Variants in MAGI2 observed in about 807,000 individuals in gnomAD.
MAGI2 encodes membrane-associated guanylate kinase, WW and PDZ domain-containing protein 2.
A neutral mutation model predicts 133.3 loss-of-function variants in MAGI2; 35 were observed. The observed-to-expected ratio is 0.26, with a 90% CI of 0.20 to 0.35. MAGI2 has a LOEUF of 0.35. MAGI2 is among the 10% of genes least tolerant of loss of function. The pLI is 1.00. For missense variants in MAGI2, 1,636 were observed against 1,863.4 expected (o/e 0.88, Z 2.25); for synonymous variants, 729 against 710.6 (o/e 1.03, Z -0.41).
intron 1 of MAGI2, among the ~76,000 whole-genome samples, chr7:79,101,964 C>T (rs11489636): frequency 0.043 from 6,479 of 151,854 alleles, 435 homozygotes; most frequent in African/African-American, 0.15. Context: ...TTTCTTATCA[C>T]AGTAGACTAT....
At chr7:78,101,870 G>C (rs574261838) in intron 20 of MAGI2, among the ~76,000 whole-genome samples, 1 of 152,268 alleles carries the variant, frequency 6.6e-6, no homozygotes, top group South Asian at 2.1e-4. Context: ...ATATATATCG[G>C]AAGGAAATGA....
chr7:78,828,263 A>C (rs982173659), intron 2 of MAGI2, among the ~76,000 whole-genome samples: 1 of 152,202 alleles, frequency 6.6e-6, no homozygotes, highest in African/African-American at 2.4e-5. Flanking sequence ...AATGAGAGTA[A>C]CTTAACAGTG....
chr7:78,189,869 C>G (rs941272410), intron 12 of MAGI2, among the ~76,000 whole-genome samples: 1 of 152,178 alleles, frequency 6.6e-6, no homozygotes, highest in Non-Finnish European at 1.5e-5. Flanking sequence ...GCCCTCTATC[C>G]TGTATCAACA....
chr7:79,154,525 C>T (rs1425826633), intron 1 of MAGI2, among the ~76,000 whole-genome samples: 1 of 152,104 alleles, frequency 6.6e-6, no homozygotes, highest in South Asian at 2.1e-4. Context: ...CATATTATCA[C>T]CAGTGTTGGT....
intron 2 of MAGI2, among the ~76,000 whole-genome samples, chr7:78,717,213 C>T (rs928000975): frequency 2.6e-5 from 4 of 152,082 alleles, no homozygotes; most frequent in East Asian, 1.9e-4. Flanking sequence ...ACCGTCGAGC[C>T]GCCCTCCTTG....
At chr7:79,181,119 T>G (rs987159396) in intron 1 of MAGI2, among the ~76,000 whole-genome samples, 6 of 151,724 alleles carry the variant, frequency 4.0e-5, no homozygotes, top group African/African-American at 1.5e-4. Context: ...AGCTGTCAGA[T>G]CTACCATTCT....
intron 21 of MAGI2, among the ~76,000 whole-genome samples, chr7:78,032,473 C>T (rs950746750): frequency 2.6e-5 from 4 of 152,074 alleles, no homozygotes; most frequent in African/African-American, 9.7e-5. Context: ...CCTTGGCCTC[C>T]CAAAGTGCTG....
chr7:78,327,700 G>A (rs995093043), intron 9 of MAGI2, among the ~76,000 whole-genome samples: 3 of 152,174 alleles, frequency 2.0e-5, no homozygotes, highest in African/African-American at 7.2e-5. Context: ...GATAAGGTTT[G>A]CTGAATAAAT....
At chr7:78,262,375 G>A (rs798324) in intron 9 of MAGI2, among the ~76,000 whole-genome samples, 83,253 of 151,996 alleles carry the variant, frequency 0.55, 25,515 homozygotes, top group African/African-American at 0.82. Context: ...AATTTTCTAT[G>A]TATTATGAGC....
At chr7:78,153,069 C>T (rs986068201) in intron 16 of MAGI2, among the ~76,000 whole-genome samples, 6 of 152,152 alleles carry the variant, frequency 3.9e-5, no homozygotes, top group East Asian at 3.8e-4. Flanking sequence ...CAATGACTTT[C>T]GGAGATGGAA....
chr7:79,251,634 T>G (rs184730426), intron 1 of MAGI2, among the ~76,000 whole-genome samples: 63 of 152,274 alleles, frequency 4.1e-4, no homozygotes, highest in Middle Eastern at 6.8e-3. Flanking sequence ...ACGCTGTTGG[T>G]GGGAATGTAA....
At position 78,130,211 on chromosome 7, in the gene MAGI2, G is replaced by A. The variant is rs145316784; in HGVS notation, c.3203+2678C>T. On this transcript the variant is annotated intron_variant, in intron 18 of 21. Transcript: ENST00000354212. ...ATTAAACATACTTTATGCTTCCTGA[G>A]CACACACCCAAAAGATGTTAAAGGA... Among the ~76,000 whole-genome samples, 5 of 152,230 alleles carry A rather than the reference G, an allele frequency of 3.3e-5. No individual in the cohort carries two copies. In the East Asian group the frequency reaches 5.8e-4, roughly 18 times the overall value.
intron 1 of MAGI2, among the ~76,000 whole-genome samples, chr7:79,253,670 A>T (rs1833487217): frequency 6.6e-6 from 1 of 152,128 alleles, no homozygotes; most frequent in Non-Finnish European, 1.5e-5. Context: ...ACAGTTTAAA[A>T]CTGTTAACAT....
At chr7:78,065,771 A>G in intron 21 of MAGI2, 2 of 460,690 alleles carry the variant, frequency 4.3e-6, no homozygotes, top group Non-Finnish European at 7.6e-6. Flanking sequence ...TGTTTAGAGC[A>G]GTTGAATAAA....
At chr7:78,721,847 A>G (rs547181184) in intron 2 of MAGI2, among the ~76,000 whole-genome samples, 2 of 152,096 alleles carry the variant, frequency 1.3e-5, no homozygotes, top group African/African-American at 4.8e-5. Context: ...CTTCAAGAGA[A>G]GAGAAAAATG....
intron 2 of MAGI2, among the ~76,000 whole-genome samples, chr7:78,781,327 C>T (rs1346845692): frequency 2.1e-5 from 3 of 143,274 alleles, no homozygotes; most frequent in African/African-American, 2.6e-5. Context: ...TGCAGTGAGC[C>T]GAGATGTCAC....
intron 1 of MAGI2, among the ~76,000 whole-genome samples, chr7:79,083,149 T>C (rs191573895): frequency 4.4e-4 from 66 of 151,672 alleles, no homozygotes; most frequent in Non-Finnish European, 5.3e-4. Flanking sequence ...ACTTCTTTCT[T>C]TCCAACCTAG....
intron 20 of MAGI2, among the ~76,000 whole-genome samples, chr7:78,098,870 A>T (rs994669378): frequency 2.0e-5 from 3 of 152,154 alleles, no homozygotes; most frequent in African/African-American, 7.2e-5. Flanking sequence ...TCAGATATTT[A>T]TTAGCCATTT....
chr7:79,239,096 C>T (rs965923071), intron 1 of MAGI2, among the ~76,000 whole-genome samples: 1 of 152,050 alleles, frequency 6.6e-6, no homozygotes, highest in African/African-American at 2.4e-5. Context: ...ACTTGCACAC[C>T]ATGTTTTTTA....
Sources: allele counts gnomAD v4.1 joint callset (sites outside exome capture counted in the v4.1 genomes callset), GRCh38; gene constraint gnomAD v4.1.1; transcripts MANE v1.5; gene names NCBI Gene and HGNC (gene_info 2026-07-23, HGNC 2026-07-21).